Variants in NUP62CL observed in about 807,000 individuals in gnomAD.
NUP62CL encodes nucleoporin-62 C-terminal-like protein.
In NUP62CL, 13 loss-of-function variants were observed where a neutral mutation model predicts 15.3. The ratio of observed to expected loss-of-function variants is 0.85; its 90% CI spans 0.55 to 1.35. NUP62CL has a LOEUF of 1.35. Among genes scored for constraint, NUP62CL ranks in the 40% most tolerant of loss-of-function variants. The probability of loss-of-function intolerance (pLI) is 0.00; values close to 1 mark genes in which losing one functional copy is unlikely to be tolerated. For synonymous variants in NUP62CL, 54 were observed against 49.2 expected (o/e 1.10, Z -0.41); for missense variants, 123 against 130.6 (o/e 0.94, Z 0.28).
chrX:107,127,332 A>G (rs1925413136), intron 8 of NUP62CL, among the ~76,000 whole-genome samples: 1 of 111,970 alleles, frequency 8.9e-6, no homozygotes, highest in Non-Finnish European at 1.9e-5. Flanking sequence ...TGGCCAAGAG[A>G]AAATTTTGGC....
At chrX:107,131,965 G>A (rs1302924143) in intron 8 of NUP62CL, 6 of 1,022,714 alleles carry the variant, frequency 5.9e-6, no homozygotes, top group Non-Finnish European at 8.3e-6. Context: ...TCTTCTGACA[G>A]AGAAGAAGGA....
chrX:107,186,030 A>G, intron 2 of NUP62CL, among the ~76,000 whole-genome samples: 1 of 111,988 alleles, frequency 8.9e-6, no homozygotes, highest in Non-Finnish European at 1.9e-5. Flanking sequence ...AAGTCTTAGT[A>G]ATCATATGTG....
chrX:107,171,540 T>G (rs561764177), intron 3 of NUP62CL, among the ~76,000 whole-genome samples: 1 of 112,099 alleles, frequency 8.9e-6, no homozygotes, highest in East Asian at 2.8e-4. Context: ...AGAGCTTGTG[T>G]AAGGGAACTC....
At chrX:107,189,831 A>AAGGG (rs1927167992) in intron 2 of NUP62CL, among the ~76,000 whole-genome samples, 1 of 30,222 alleles carries the variant, frequency 3.3e-5, no homozygotes, top group Non-Finnish European at 5.7e-5. Flanking sequence ...AGAAGGAGGG[A>AAGGG]AGGAAGGAAG....
At chrX:107,191,835 T>C (rs1349532965) in intron 2 of NUP62CL, among the ~76,000 whole-genome samples, 1 of 112,470 alleles carries the variant, frequency 8.9e-6, no homozygotes, top group Non-Finnish European at 1.9e-5. Flanking sequence ...AGAGATTTTT[T>C]ATCTTTTTTT....
At chrX:107,194,819 T>C (rs1487160348) in intron 1 of NUP62CL, among the ~76,000 whole-genome samples, 9 of 91,669 alleles carry the variant, frequency 9.8e-5, no homozygotes, top group South Asian at 1.2e-3. Flanking sequence ...CTCTTTTTTT[T>C]TTTTTTTTTT....
chrX:107,164,871 C>T (rs774032680), intron 4 of NUP62CL, among the ~76,000 whole-genome samples: 1 of 112,638 alleles, frequency 8.9e-6, no homozygotes, highest in Non-Finnish European at 1.9e-5. Context: ...GAGGCCCAGA[C>T]GGGAGGATCA....
chrX:107,192,320 C>A (rs1350503197), intron 2 of NUP62CL, among the ~76,000 whole-genome samples: 1 of 112,085 alleles, frequency 8.9e-6, no homozygotes, highest in African/African-American at 3.2e-5. Context: ...GTGCCTTGTG[C>A]CTCAAATCTC....
intron 1 of NUP62CL, among the ~76,000 whole-genome samples, chrX:107,205,242 C>G (rs1415075788): frequency 9.0e-6 from 1 of 111,169 alleles, no homozygotes; most frequent in East Asian, 2.8e-4. Flanking sequence ...CACAGTGAGG[C>G]AGAATAAAAA....
chrX:107,155,692 A>G (rs1002624724), intron 4 of NUP62CL, among the ~76,000 whole-genome samples: 2 of 112,435 alleles, frequency 1.8e-5, no homozygotes, highest in East Asian at 5.6e-4. Flanking sequence ...AAAAAAAAAT[A>G]TGAAAATAGG....
intron 8 of NUP62CL, among the ~76,000 whole-genome samples, chrX:107,135,120 G>A (rs1414822590): frequency 9.0e-6 from 1 of 111,686 alleles, no homozygotes. Flanking sequence ...AGGAGAGCAT[G>A]CTAATTGCCT....
At chrX:107,165,786 C>T (rs771718810) in intron 4 of NUP62CL, among the ~76,000 whole-genome samples, 1 of 111,275 alleles carries the variant, frequency 9.0e-6, no homozygotes, top group Non-Finnish European at 1.9e-5. Flanking sequence ...GACAAAGGTG[C>T]AAAAGCAATT....
rs1213671131 is a variant in NUP62CL at position 107,175,160 on chromosome X, G to A, written c.-14C>T. 6.8e-6 allele frequency: 8 copies of A among 1,173,890 alleles called. No homozygotes were observed. Among genetic ancestry groups the A allele is most frequent in the Non-Finnish European group, 9.2e-6 (8 of 870,419 alleles). On this transcript the variant is annotated 5_prime_UTR_variant, in exon 3 of 9. Coordinates refer to ENST00000372466, the MANE Select transcript of NUP62CL (RefSeq NM_017681.3). Reference sequence around the variant, plus strand: ...GGTAAACTGCATGGTGCTTGAACTAGTGGTGGTGGCAACAGCAGCTGCTGG... The same window carrying A: ...GGTAAACTGCATGGTGCTTGAACTAATGGTGGTGGCAACAGCAGCTGCTGG...
rs899452767 is a variant in NUP62CL, at chrX:107,180,471, A to G, written c.-47-5278T>C. Reference sequence around the variant, plus strand: ...ATGGAATACTACGATCCTATAAAAAATACTGAGGAAAAACATACTGAAGTT... The same window carrying G: ...ATGGAATACTACGATCCTATAAAAAGTACTGAGGAAAAACATACTGAAGTT... On this transcript the variant is annotated intron_variant, in intron 2 of 8. Transcript: ENST00000372466. Among the ~76,000 whole-genome samples, 3 of 112,083 alleles carry G rather than the reference A, an allele frequency of 2.7e-5. 1 individual carries two copies. The highest frequency in any genetic ancestry group is 1.9e-4 in the Admixed American group (2 of 10,571).
intron 4 of NUP62CL, among the ~76,000 whole-genome samples, chrX:107,163,131 G>A (rs6622169): frequency 0.31 from 34,284 of 110,529 alleles, 5,134 homozygotes; most frequent in African/African-American, 0.56. Context: ...TCGTTTCTCA[G>A]ATCATTTGAT....
intron 8 of NUP62CL, among the ~76,000 whole-genome samples, chrX:107,134,755 A>G (rs1275751306): frequency 9.0e-6 from 1 of 111,382 alleles, no homozygotes; most frequent in African/African-American, 3.3e-5. Context: ...GGCCCAAAGA[A>G]TTTTTTTCTT....
intron 5 of NUP62CL, 138 bp downstream of exon 5, chrX:107,153,958 G>T: frequency 1.8e-6 from 1 of 546,490 alleles, no homozygotes; most frequent in South Asian, 3.4e-5. Flanking sequence ...AGGTGATAGA[G>T]CAAGACCCTG....
intron 2 of NUP62CL, among the ~76,000 whole-genome samples, chrX:107,191,772 T>C (rs1182280869): frequency 8.9e-6 from 1 of 111,906 alleles, no homozygotes; most frequent in African/African-American, 3.2e-5. Flanking sequence ...ACAACACAAG[T>C]TTTTGTTTTA....
intron 8 of NUP62CL, among the ~76,000 whole-genome samples, chrX:107,139,408 T>C (rs902810568): frequency 2.7e-5 from 3 of 111,999 alleles, no homozygotes; most frequent in Admixed American, 1.9e-4. Context: ...TTTTGCAAGA[T>C]GTTGCCTCTG....
Sources: gnomAD v4.1 joint callset for allele counts (sites outside exome capture counted in the v4.1 genomes callset) on GRCh38, gnomAD v4.1.1 for gene constraint, MANE v1.5 for transcripts, NCBI Gene and HGNC (gene_info 2026-07-23, HGNC 2026-07-21) for gene names.